The following NALCN variants were observed in gnomAD, a reference collection of about 807,000 sequenced individuals.
NALCN encodes the protein sodium leak channel, non-selective, also known as sodium leak channel NALCN.
In NALCN, 111 loss-of-function variants were observed where a neutral mutation model predicts 225.3. The ratio of observed to expected loss-of-function variants is 0.49; its 90% CI spans 0.42 to 0.58. NALCN has a LOEUF of 0.58. Among genes scored for constraint, NALCN ranks in the 20% least tolerant of loss-of-function variants. NALCN has a pLI of 0.00. For missense variants in NALCN, 1,378 were observed against 2,202.4 expected (o/e 0.63, Z 7.49); for synonymous variants, 764 against 769.0 (o/e 0.99, Z 0.11).
At chr13:101,145,131 G>GA (rs1566337743) in intron 15 of NALCN, among the ~76,000 whole-genome samples, 1 of 152,006 alleles carries the variant, frequency 6.6e-6, no homozygotes, top group South Asian at 2.1e-4. Context: ...AACTAAACCA[G>GA]AAAAAAATTC....
rs2034915223 is a variant in NALCN at position 101,103,171 on chromosome 13, C to T, written c.3057+1G>A. On this transcript the variant is annotated splice_donor_variant, in intron 26 of 43. Coordinates refer to ENST00000251127, the MANE Select transcript of NALCN (RefSeq NM_052867.4). LOFTEE classifies it high-confidence loss of function. ...GGAATCAAAGGATAATTCTCACATA[C>T]CAAAAAAATTTCCTTGAAGCCGCTG... 2 of 1,611,632 alleles carry T rather than the reference C, an allele frequency of 1.2e-6. No individual in the cohort carries two copies. The highest frequency in any genetic ancestry group is 1.7e-6 in the Non-Finnish European group (2 of 1,179,176).
chr13:101,106,273 A>G (rs899644328), intron 22 of NALCN, among the ~76,000 whole-genome samples: 1 of 152,126 alleles, frequency 6.6e-6, no homozygotes, highest in Non-Finnish European at 1.5e-5. Context: ...TAAAATTCCT[A>G]TTTCCAAATA....
chr13:101,323,728 A>G (rs764161864), intron 7 of NALCN, among the ~76,000 whole-genome samples: 3 of 152,208 alleles, frequency 2.0e-5, no homozygotes, highest in Non-Finnish European at 4.4e-5. Flanking sequence ...GAAGAAAAAA[A>G]TAAGTCTCAT....
intron 9 of NALCN, among the ~76,000 whole-genome samples, chr13:101,291,521 T>C (rs1047316831): frequency 6.6e-6 from 1 of 152,148 alleles, no homozygotes; most frequent in African/African-American, 2.4e-5. Context: ...GTTCTGTGTT[T>C]GGGCCTTTGA....
At chr13:101,189,033 T>C (rs964323466) in intron 14 of NALCN, among the ~76,000 whole-genome samples, 2 of 152,296 alleles carry the variant, frequency 1.3e-5, no homozygotes, top group East Asian at 3.9e-4. Context: ...GGGAAACCTC[T>C]GCATTTCATT....
intron 1 of NALCN, among the ~76,000 whole-genome samples, chr13:101,414,376 A>G (rs192504691): frequency 6.6e-6 from 1 of 152,310 alleles, no homozygotes; most frequent in African/African-American, 2.4e-5. Flanking sequence ...ATCTTAGGAT[A>G]TAGAGGTGTA....
At chr13:101,196,926 C>T (rs933194944) in intron 13 of NALCN, among the ~76,000 whole-genome samples, 1 of 152,168 alleles carries the variant, frequency 6.6e-6, no homozygotes, top group East Asian at 1.9e-4. Flanking sequence ...GCTTCCTGTA[C>T]TCTTGAAGCT....
In NALCN at chr13:101,409,384, A is replaced by T. The variant is rs952510781; in HGVS notation, c.-40+6929T>A. On this transcript the variant is annotated intron_variant, in intron 1 of 43. Coordinates refer to ENST00000251127, the MANE Select transcript of NALCN (RefSeq NM_052867.4). ...TTAACTACAGGCACAATGTCATAACACAGATCTCTCGAGCTCACTCATCTT... is the reference window on the plus strand; with the variant it reads ...TTAACTACAGGCACAATGTCATAACTCAGATCTCTCGAGCTCACTCATCTT... Among the ~76,000 whole-genome samples the T allele has an allele frequency of 1.8e-4, 27 of 152,226 alleles. 1 individual carries two copies. The highest frequency in any genetic ancestry group is 6.0e-4 in the African/African-American group (25 of 41,450).
chr13:101,135,402 A>AT (rs973219443), intron 17 of NALCN, among the ~76,000 whole-genome samples: 26 of 151,706 alleles, frequency 1.7e-4, no homozygotes, highest in South Asian at 1.7e-3. Flanking sequence ...AAATTCCAAA[A>AT]TTTTTTTTTG....
intron 13 of NALCN, among the ~76,000 whole-genome samples, chr13:101,222,919 T>C (rs1396786638): frequency 2.6e-5 from 4 of 152,168 alleles, no homozygotes; most frequent in Admixed American, 1.3e-4. Flanking sequence ...CACATTTCTT[T>C]AGGGAACCAT....
chr13:101,083,709 A>C lies in NALCN; in HGVS notation c.3583+2T>G. On this transcript the variant is annotated splice_donor_variant, in intron 31 of 43. Transcript: ENST00000251127. LOFTEE classifies it high-confidence loss of function. ...TGAATAAAATCAGAGCATTTTGGGTACCCGGGCGAGGCGGAAGATGAAGAG... is the reference window on the plus strand; with the variant it reads ...TGAATAAAATCAGAGCATTTTGGGTCCCCGGGCGAGGCGGAAGATGAAGAG... 1.2e-6 allele frequency: 2 copies of C among 1,612,910 alleles called. No individual in the cohort carries two copies. The highest frequency in any genetic ancestry group is 1.7e-6 in the Non-Finnish European group (2 of 1,179,060).
intron 13 of NALCN, among the ~76,000 whole-genome samples, chr13:101,196,524 G>A (rs1391499279): frequency 6.6e-6 from 1 of 152,036 alleles, no homozygotes; most frequent in African/African-American, 2.4e-5. Flanking sequence ...TAATACAGGG[G>A]CAGAGAATTA....
rs114921476 is a variant in NALCN, at chr13:101,362,420, T to C, written c.644+14280A>G. Among the ~76,000 whole-genome samples the C allele has an allele frequency of 6.2e-4, 95 of 152,100 alleles. 1 individual carries two copies. The highest frequency in any genetic ancestry group is 2.1e-3 in the African/African-American group (89 of 41,502). ...GACATATTATTTAACCTCCCAGAAA[T>C]GAAAGGATGGCTTAACATATGGAAA... On this transcript the variant is annotated intron_variant, in intron 6 of 43. Transcript: ENST00000251127.
chr13:101,069,532 C>T (rs1293058624), intron 37 of NALCN, among the ~76,000 whole-genome samples: 1 of 152,176 alleles, frequency 6.6e-6, no homozygotes, highest in South Asian at 2.1e-4. Context: ...AGGGTGGTGG[C>T]TGCTGAAGGT....
Position 101,280,880 on chromosome 13 carries a change from C to CTT in NALCN, c.1134+3052_1134+3053insAA, listed in dbSNP as rs201201516. ...TCATTCTTTTCCTCATTCTCTCTCT[C>CTT]TCTTTTTTTTTTTTTTTTGAGACAG... On this transcript the variant is annotated intron_variant, in intron 10 of 43. Coordinates refer to ENST00000251127, the MANE Select transcript of NALCN (RefSeq NM_052867.4). Among the ~76,000 whole-genome samples, 498 of 108,134 alleles carry CTT rather than the reference C, an allele frequency of 4.6e-3. 7 individuals carry two copies. Among genetic ancestry groups the CTT allele is most frequent in the South Asian group, 0.029 (99 of 3,450 alleles). 70.9% of individuals were successfully genotyped at this position (108,134 alleles called of 152,430 possible).
At chr13:101,063,987 A>C in intron 40 of NALCN, among the ~76,000 whole-genome samples, 1 of 152,352 alleles carries the variant, frequency 6.6e-6, no homozygotes, top group Non-Finnish European at 1.5e-5. Context: ...ATTATATTAA[A>C]ATACAATTCT....
Position 101,237,816 on chromosome 13 carries a change from AC to A in NALCN, c.1372del (p.Val458Ter). On this transcript the variant is annotated frameshift_variant, in exon 12 of 44. Transcript: ENST00000251127. LOFTEE classifies it high-confidence loss of function. The stretch of plus-strand genomic sequence containing the variant: ...GTATACATGAAGAGTAGTTCCAATT[AC>A]GAGTAGTAGTTCGAATTTGTGGAGA... ...SSLHKFELLL[V>X]IGTTLHVYPD... is the part of the protein sequence containing the mutation. The A allele has an allele frequency of 1.9e-6, 3 of 1,607,830 alleles. No individual in the cohort carries two copies. Among genetic ancestry groups the A allele is most frequent in the Non-Finnish European group, 2.5e-6 (3 of 1,177,216 alleles).
At chr13:101,065,287 C>G in intron 40 of NALCN, 117 bp downstream of exon 40, 1 of 1,116,868 alleles carries the variant, frequency 9.0e-7, no homozygotes, top group South Asian at 1.5e-5. Context: ...TTCACGACCA[C>G]AGCAGATGTG....
chr13:101,238,592 C>T (rs1472302381), intron 11 of NALCN, among the ~76,000 whole-genome samples: 1 of 151,902 alleles, frequency 6.6e-6, no homozygotes, highest in East Asian at 1.9e-4. Flanking sequence ...CACATAAAGA[C>T]AGCATGTTAT....
Sources: allele counts gnomAD v4.1 joint callset (sites outside exome capture counted in the v4.1 genomes callset), GRCh38; gene constraint gnomAD v4.1.1; transcripts MANE v1.5; gene names NCBI Gene and HGNC (gene_info 2026-07-23, HGNC 2026-07-21).